Variants in PEX14 observed in about 807,000 individuals in gnomAD.
PEX14 encodes the protein peroxisomal biogenesis factor 14, also known as peroxisomal membrane protein PEX14.
A neutral mutation model predicts 49.5 loss-of-function variants in PEX14; 15 were observed. The observed-to-expected ratio is 0.30, with a 90% CI of 0.20 to 0.47. The LOEUF is 0.47. PEX14 is among the 20% of genes least tolerant of loss of function. The probability of loss-of-function intolerance (pLI) is 1.00; values close to 1 mark genes in which losing one functional copy is unlikely to be tolerated. For synonymous variants in PEX14, 210 were observed against 212.7 expected, an observed-to-expected ratio of 0.99 and a Z score of 0.11; for missense variants, 398 against 494.8, an observed-to-expected ratio of 0.80 and a Z score of 1.86.
chr1:10,546,684 G>A (rs940175498), intron 3 of PEX14, among the ~76,000 whole-genome samples: 9 of 149,156 alleles, frequency 6.0e-5, no homozygotes, highest in Non-Finnish European at 1.2e-4. Flanking sequence ...GGCCAACACC[G>A]TGAAAACCTG....
chr1:10,616,314 T>G (rs1641414612), intron 4 of PEX14, among the ~76,000 whole-genome samples: 1 of 152,092 alleles, frequency 6.6e-6, no homozygotes, highest in Non-Finnish European at 1.5e-5. Context: ...ACGGGCCTTC[T>G]CCTCCCCTGT....
chr1:10,528,525 T>C (rs1638556359), intron 2 of PEX14, among the ~76,000 whole-genome samples: 1 of 152,194 alleles, frequency 6.6e-6, no homozygotes, highest in Non-Finnish European at 1.5e-5. Context: ...CTCACAGTTC[T>C]CTCAGGGAGC....
intron 3 of PEX14, among the ~76,000 whole-genome samples, chr1:10,536,857 A>G (rs1224462727): frequency 1.3e-5 from 2 of 152,312 alleles, no homozygotes; most frequent in African/African-American, 4.8e-5. Flanking sequence ...GAGACAATCT[A>G]TTCTGGTTCT....
intron 2 of PEX14, among the ~76,000 whole-genome samples, chr1:10,496,832 C>T (rs943892091): frequency 2.0e-5 from 3 of 151,798 alleles, no homozygotes; most frequent in Admixed American, 6.6e-5. Flanking sequence ...AGCCTGTGAT[C>T]GTCCAGAGTT....
chr1:10,480,869 ATTTTT>A lies in PEX14; in HGVS notation c.36+5874_36+5878del, dbSNP rs1316827044. ...TCTCTCTCTCTCTCTCTATATATATATTTTTTTTTTTGGAAGGATTTGTGGTAAGT... is the reference window on the plus strand; with the variant it reads ...TCTCTCTCTCTCTCTCTATATATATATTTTTTGGAAGGATTTGTGGTAAGT... On this transcript the variant is annotated intron_variant, in intron 1 of 8. Transcript: ENST00000356607. 9.5e-3 allele frequency among the ~76,000 whole-genome samples: 1,319 copies of A among 139,064 alleles called. 17 individuals carry two copies. The highest frequency in any genetic ancestry group is 0.036 in the African/African-American group (1,242 of 34,424). 91.2% of individuals were successfully genotyped at this position (139,064 alleles called of 152,430 possible). A position where few individuals can be genotyped will look rare whatever the true frequency, so the allele number is the denominator to read the frequency against.
intron 2 of PEX14, among the ~76,000 whole-genome samples, chr1:10,520,932 G>T (rs1638268726): frequency 6.7e-6 from 1 of 150,248 alleles, no homozygotes. Flanking sequence ...ACATACTCTT[G>T]AAAGCTTTAT....
chr1:10,619,315 ATTTT>A (rs60523076), intron 5 of PEX14, among the ~76,000 whole-genome samples: 1 of 129,060 alleles, frequency 7.7e-6, no homozygotes. Flanking sequence ...CTGATTGGTG[ATTTT>A]TTTTTTTTTT....
chr1:10,483,822 G>A (rs1282005880), intron 1 of PEX14, among the ~76,000 whole-genome samples: 1 of 151,560 alleles, frequency 6.6e-6, no homozygotes, highest in Admixed American at 6.6e-5. Flanking sequence ...ATCCCTAAAC[G>A]TTCCCTTACG....
At chr1:10,606,066 G>A (rs1198178474) in intron 4 of PEX14, among the ~76,000 whole-genome samples, 1 of 152,214 alleles carries the variant, frequency 6.6e-6, no homozygotes, top group Non-Finnish European at 1.5e-5. Flanking sequence ...TGGCTGTGCT[G>A]ACAGTGTGTT....
intron 4 of PEX14, among the ~76,000 whole-genome samples, chr1:10,607,099 G>GT (rs1412479078): frequency 6.6e-5 from 10 of 151,756 alleles, no homozygotes; most frequent in Non-Finnish European, 1.2e-4. Context: ...CTTTCCTAGA[G>GT]TTTTTTTTCT....
At chr1:10,498,425 A>G (rs1641608638) in intron 2 of PEX14, among the ~76,000 whole-genome samples, 1 of 152,194 alleles carries the variant, frequency 6.6e-6, no homozygotes, top group Non-Finnish European at 1.5e-5. Flanking sequence ...GTTTTGTTTT[A>G]TTTGCTAGGC....
At chr1:10,485,058 A>AT (rs1419986983) in intron 1 of PEX14, among the ~76,000 whole-genome samples, 1 of 151,704 alleles carries the variant, frequency 6.6e-6, no homozygotes, top group Non-Finnish European at 1.5e-5. Flanking sequence ...GGAGGTGGGG[A>AT]TCATGGGGTC....
chr1:10,546,590 G>C (rs977926669), intron 3 of PEX14, among the ~76,000 whole-genome samples: 5 of 130,356 alleles, frequency 3.8e-5, no homozygotes, highest in Non-Finnish European at 4.8e-5. Flanking sequence ...AAAAAGGCTA[G>C]GTGCGGTGGC....
chr1:10,479,053 G>A (rs1032349718), intron 1 of PEX14, among the ~76,000 whole-genome samples: 1 of 151,906 alleles, frequency 6.6e-6, no homozygotes, highest in Non-Finnish European at 1.5e-5. Context: ...GCCTGGCCTG[G>A]CTAATGTATT....
At chr1:10,548,354 C>T (rs1639235000) in intron 3 of PEX14, among the ~76,000 whole-genome samples, 1 of 152,170 alleles carries the variant, frequency 6.6e-6, no homozygotes, top group Non-Finnish European at 1.5e-5. Context: ...ACATGATATG[C>T]GGGCTTATTG....
At chr1:10,503,645 A>C (rs760013956) in intron 2 of PEX14, among the ~76,000 whole-genome samples, 1 of 151,788 alleles carries the variant, frequency 6.6e-6, no homozygotes, top group African/African-American at 2.4e-5. Flanking sequence ...GGATAAATCT[A>C]AAAGCCCCCA....
chr1:10,542,237 T>C (rs1639038598), intron 3 of PEX14, among the ~76,000 whole-genome samples: 1 of 152,194 alleles, frequency 6.6e-6, no homozygotes, highest in African/African-American at 2.4e-5. Flanking sequence ...GATGCTACAG[T>C]TTCTTATGTA....
intron 2 of PEX14, among the ~76,000 whole-genome samples, chr1:10,508,950 T>C (rs1641836891): frequency 6.6e-6 from 1 of 151,398 alleles, no homozygotes; most frequent in African/African-American, 2.4e-5. Flanking sequence ...CTCCTTTTTT[T>C]TTTTGAGACG....
chr1:10,481,904 A>G (rs1329871182), intron 1 of PEX14, among the ~76,000 whole-genome samples: 3 of 150,864 alleles, frequency 2.0e-5, no homozygotes, highest in East Asian at 2.0e-4. Flanking sequence ...GCTCACTGCA[A>G]ACTGCTTCCC....
Sources: gnomAD v4.1 joint callset for allele counts (sites outside exome capture counted in the v4.1 genomes callset) on GRCh38, gnomAD v4.1.1 for gene constraint, MANE v1.5 for transcripts, NCBI Gene and HGNC (gene_info 2026-07-23, HGNC 2026-07-21) for gene names.